BCAT1: variants seen among roughly 807,000 people sequenced by gnomAD.
BCAT1 encodes the protein branched-chain-amino-acid aminotransferase, cytosolic.
BCAT1 carries 48 observed loss-of-function variants against 52.4 expected under a neutral mutation model. The ratio of observed to expected loss-of-function variants is 0.92; its 90% CI spans 0.73 to 1.16. The LOEUF is 1.16. Among genes scored for constraint, BCAT1 ranks in the 50% most tolerant of loss-of-function variants. The probability of loss-of-function intolerance (pLI) is 0.00; values close to 1 mark genes in which losing one functional copy is unlikely to be tolerated. For synonymous variants in BCAT1, 167 were observed against 161.3 expected, an observed-to-expected ratio of 1.04 and a Z score of -0.27; for missense variants, 451 against 457.1, an observed-to-expected ratio of 0.99 and a Z score of 0.12.
In BCAT1 at chr12:24,811,869, T is replaced by C. The variant is rs1412973857; in HGVS notation, c.*6139A>G. ...CAATTTCATAATTAAGTTGATATTC[T>C]GTTTCTATCTATAAGCTCACATTTA... is the stretch of plus-strand genomic sequence containing the variant. On this transcript the variant is annotated 3_prime_UTR_variant, in exon 11 of 11. Transcript: ENST00000261192. The C allele has an allele frequency of 6.6e-6, 1 of 151,672 alleles. No individual in the cohort carries two copies. Among genetic ancestry groups the C allele is most frequent in the African/African-American group, 2.4e-5 (1 of 41,438 alleles). The allele number at this position is 151,672 out of a possible 1,614,324, so 9.4% of individuals were successfully genotyped here.
chr12:24,834,561 T>C (rs1427958741), intron 8 of BCAT1: 1 of 973,424 alleles, frequency 1.0e-6, no homozygotes, highest in East Asian at 1.1e-4. Flanking sequence ...TTTTCTTAAT[T>C]TATAAACCCA....
chr12:24,896,054 A>G (rs1942952957), intron 2 of BCAT1, among the ~76,000 whole-genome samples: 4 of 152,044 alleles, frequency 2.6e-5, no homozygotes, highest in South Asian at 4.1e-4. Flanking sequence ...GGGACTCACT[A>G]TGTTGCCCAG....
Position 24,892,885 on chromosome 12 carries a change from C to G in BCAT1, c.279+1390G>C, listed in dbSNP as rs115463210. On this transcript the variant is annotated intron_variant, in intron 3 of 10. Coordinates refer to ENST00000261192, the MANE Select transcript of BCAT1 (RefSeq NM_005504.7). Reference sequence around the variant, plus strand: ...AATAAATAAAAGCACTTCATTTCACCTGTTCTTTATTATACCTTATGACAT... The same window carrying G: ...AATAAATAAAAGCACTTCATTTCACGTGTTCTTTATTATACCTTATGACAT... 5.4e-3 allele frequency among the ~76,000 whole-genome samples: 827 copies of G among 152,210 alleles called. 4 individuals carry two copies. The highest frequency in any genetic ancestry group is 0.019 in the African/African-American group (798 of 41,518).
chr12:24,902,770 T>G lies in BCAT1; in HGVS notation c.7-885A>C, dbSNP rs1241335978. ...AGAGGTGGAGATTGCAGGCTGGGAC[T>G]CCAGATTTCGGGCAGGGATGCGGGG... On this transcript the variant is annotated intron_variant, in intron 1 of 10. Coordinates refer to ENST00000261192, the MANE Select transcript of BCAT1 (RefSeq NM_005504.7). 5 of 924,744 alleles carry G rather than the reference T, an allele frequency of 5.4e-6. No homozygotes were observed. The Admixed American group carries it at 1.5e-4, about 27-fold the overall frequency. 57.3% of individuals were successfully genotyped at this position (924,744 alleles called of 1,614,324 possible). A position where few individuals can be genotyped will look rare whatever the true frequency, so the allele number is the denominator to read the frequency against.
intron 7 of BCAT1, among the ~76,000 whole-genome samples, chr12:24,837,926 T>A (rs1456589362): frequency 1.2e-4 from 19 of 152,138 alleles, no homozygotes; most frequent in Non-Finnish European, 1.5e-5. Context: ...ACTGCAGACA[T>A]CCCTAACTAC....
Position 24,894,473 on chromosome 12 carries a change from AG to A in BCAT1, c.80del (p.Ala27ValfsTer4). 6.3e-7 allele frequency: 1 copy of A among 1,582,992 alleles called. No homozygotes were observed. The highest frequency in any genetic ancestry group is 8.6e-7 in the Non-Finnish European group (1 of 1,163,188). Reference sequence around the variant, plus strand: ...TAGCTGGTGTGACTATTAGGTCTTTAGCCTGGGGAAGAAAAATCATCACTAT... The same window carrying A: ...TAGCTGGTGTGACTATTAGGTCTTTACCTGGGGAAGAAAAATCATCACTAT... ...GSKEVVGTFK[A>X]KDLIVTPATI... On this transcript the variant is annotated frameshift_variant and splice_region_variant, in exon 3 of 11. Coordinates refer to ENST00000261192, the MANE Select transcript of BCAT1 (RefSeq NM_005504.7). LOFTEE classifies it high-confidence loss of function.
intron 1 of BCAT1, among the ~76,000 whole-genome samples, chr12:24,932,269 A>G (rs769032723): frequency 2.8e-4 from 42 of 152,276 alleles, no homozygotes; most frequent in South Asian, 6.2e-4. Context: ...ATCCACACTT[A>G]CCAGGACTAA....
chr12:24,917,020 T>G (rs942596812), intron 1 of BCAT1, among the ~76,000 whole-genome samples: 2 of 151,864 alleles, frequency 1.3e-5, no homozygotes, highest in Admixed American at 6.6e-5. Flanking sequence ...AGAAAAAAAA[T>G]ATTTTCTTGA....
At chr12:24,932,314 T>TC (rs1943686567) in intron 1 of BCAT1, among the ~76,000 whole-genome samples, 1 of 152,150 alleles carries the variant, frequency 6.6e-6, no homozygotes, top group South Asian at 2.1e-4. Context: ...TCCTGAAATC[T>TC]CCCCTCTCAG....
At chr12:24,900,826 G>A (rs1017608305) in intron 2 of BCAT1, among the ~76,000 whole-genome samples, 1 of 152,148 alleles carries the variant, frequency 6.6e-6, no homozygotes, top group Non-Finnish European at 1.5e-5. Flanking sequence ...AGCTACTCAG[G>A]AGGCTGAGGC....
At chr12:24,858,254 GC>G (rs1460571277) in intron 5 of BCAT1, among the ~76,000 whole-genome samples, 7 of 152,140 alleles carry the variant, frequency 4.6e-5, no homozygotes, top group Admixed American at 4.6e-4. Context: ...TGTGTGATAT[GC>G]ATAGAAAAGA....
chr12:24,816,607 G>C lies in BCAT1; in HGVS notation c.*1401C>G. 1 of 353,618 alleles carries C rather than the reference G, an allele frequency of 2.8e-6. No individual in the cohort carries two copies. Among genetic ancestry groups the C allele is most frequent in the East Asian group, 4.0e-5 (1 of 25,256 alleles). 21.9% of individuals were successfully genotyped at this position (353,618 alleles called of 1,614,324 possible). On this transcript the variant is annotated 3_prime_UTR_variant, in exon 11 of 11. Transcript: ENST00000261192. ...TTTTCTACCAAAAAAAAAAAAAAAA[G>C]ATTTATTTCTGCAATTAACACTTGA...
chr12:24,945,865 T>C (rs1943926894), intron 1 of BCAT1: 1 of 152,068 alleles, frequency 6.6e-6, no homozygotes, highest in South Asian at 2.1e-4. Context: ...ATATAGAAAG[T>C]AGAGGATAGC....
intron 1 of BCAT1, among the ~76,000 whole-genome samples, chr12:24,929,803 C>T (rs1029977286): frequency 6.6e-6 from 1 of 152,192 alleles, no homozygotes; most frequent in African/African-American, 2.4e-5. Flanking sequence ...ACTATATAAA[C>T]TTCAATCATC....
Position 24,894,483 on chromosome 12 carries a change from A to G in BCAT1, c.79-8T>C. The G allele has an allele frequency of 6.4e-7, 1 of 1,574,640 alleles. No homozygotes were observed. The highest frequency in any genetic ancestry group is 8.6e-7 in the Non-Finnish European group (1 of 1,158,064). On this transcript the variant is annotated splice_region_variant and splice_polypyrimidine_tract_variant and intron_variant, in intron 2 of 10. Coordinates refer to ENST00000261192, the MANE Select transcript of BCAT1 (RefSeq NM_005504.7). Reference sequence around the variant, plus strand: ...GACTATTAGGTCTTTAGCCTGGGGAAGAAAAATCATCACTATTTACAGAAA... The same window carrying G: ...GACTATTAGGTCTTTAGCCTGGGGAGGAAAAATCATCACTATTTACAGAAA...
At chr12:24,947,633 T>C (rs1301067158) in intron 1 of BCAT1, among the ~76,000 whole-genome samples, 1 of 152,312 alleles carries the variant, frequency 6.6e-6, no homozygotes, top group Non-Finnish European at 1.5e-5. Flanking sequence ...AAGAGACTAC[T>C]TGTAGATATC....
chr12:24,902,722 G>C (rs1305964319), intron 1 of BCAT1: 1 of 666,960 alleles, frequency 1.5e-6, no homozygotes, highest in Non-Finnish European at 2.4e-6. Flanking sequence ...GAGGGTGCTA[G>C]ACCTGGGCAG....
At chr12:24,943,973 G>A (rs1305197440) in intron 1 of BCAT1, among the ~76,000 whole-genome samples, 2 of 151,236 alleles carry the variant, frequency 1.3e-5, no homozygotes, top group African/African-American at 4.9e-5. Flanking sequence ...GACAGAGCAA[G>A]ACTCCGTCTC....
intron 1 of BCAT1, among the ~76,000 whole-genome samples, chr12:24,933,270 C>T (rs1249615465): frequency 1.3e-5 from 2 of 151,958 alleles, no homozygotes; most frequent in Non-Finnish European, 2.9e-5. Flanking sequence ...TGCCTGGCAA[C>T]ATGTTATTTT....
Sources: allele counts gnomAD v4.1 joint callset (sites outside exome capture counted in the v4.1 genomes callset), GRCh38; gene constraint gnomAD v4.1.1; transcripts MANE v1.5; gene names NCBI Gene and HGNC (gene_info 2026-07-23, HGNC 2026-07-21).